The following CAMK1D variants were observed in gnomAD, a reference collection of about 807,000 sequenced individuals.
CAMK1D encodes calcium/calmodulin-dependent protein kinase type 1D.
CAMK1D carries 9 observed loss-of-function variants against 47.7 expected under a neutral mutation model. The ratio of observed to expected loss-of-function variants is 0.19; its 90% CI spans 0.11 to 0.33. The LOEUF (loss-of-function observed/expected upper bound fraction) is 0.33. Ranked by LOEUF, CAMK1D falls within the 10% of genes least tolerant of loss-of-function variation. CAMK1D has a pLI of 1.00. For missense variants in CAMK1D, 291 were observed against 488.7 expected, an observed-to-expected ratio of 0.60 and a Z score of 3.81; for synonymous variants, 184 against 184.9, an observed-to-expected ratio of 0.99 and a Z score of 0.04.
intron 1 of CAMK1D, among the ~76,000 whole-genome samples, chr10:12,481,130 T>C (rs2768428): frequency 0.81 from 122,950 of 152,190 alleles, 49,909 homozygotes; most frequent in East Asian, 0.97. Context: ...ATAATTAAAT[T>C]GTTACCAGCC....
At chr10:12,724,134 G>T (rs779032848) in intron 3 of CAMK1D, among the ~76,000 whole-genome samples, 1 of 152,168 alleles carries the variant, frequency 6.6e-6, no homozygotes, top group Admixed American at 6.6e-5. Flanking sequence ...GATTACAGAC[G>T]CCGGCCACCA....
intron 3 of CAMK1D, among the ~76,000 whole-genome samples, chr10:12,751,071 GATAAGATAAGAT>G (rs1564535348): frequency 7.2e-4 from 18 of 25,150 alleles, no homozygotes; most frequent in East Asian, 3.7e-3. Context: ...GATAAGATAA[GATAAGATAAGAT>G]AAGATAAGAT....
intron 3 of CAMK1D, among the ~76,000 whole-genome samples, chr10:12,671,977 G>A (rs185705809): frequency 6.8e-6 from 1 of 146,044 alleles, no homozygotes; most frequent in East Asian, 2.0e-4. Flanking sequence ...GTGCAGTGGC[G>A]TGATCTTGGC....
At chr10:12,670,009 G>A (rs547559790) in intron 3 of CAMK1D, among the ~76,000 whole-genome samples, 1 of 152,078 alleles carries the variant, frequency 6.6e-6, no homozygotes, top group South Asian at 2.1e-4. Flanking sequence ...AGGTCTTTGT[G>A]TGCATGCATG....
In CAMK1D at chr10:12,494,783, G is replaced by A. The variant is rs374181930; in HGVS notation, c.93-58442G>A. Among the ~76,000 whole-genome samples the A allele has an allele frequency of 3.6e-3, 542 of 152,168 alleles. 4 individuals carry two copies. Among genetic ancestry groups the A allele is most frequent in the Non-Finnish European group, 3.9e-3 (265 of 68,008 alleles). ...GGGGTTTTTCCATGTTGGCCAGGCC[G>A]GTCTCAAACTCCTGACCTCAGGTGA... On this transcript the variant is annotated intron_variant, in intron 1 of 10. Transcript: ENST00000619168.
At chr10:12,439,862 A>G (rs575813859) in intron 1 of CAMK1D, among the ~76,000 whole-genome samples, 3 of 152,346 alleles carry the variant, frequency 2.0e-5, no homozygotes, top group South Asian at 2.1e-4. Flanking sequence ...AGGCCTCACA[A>G]TCATGGTGGA....
intron 3 of CAMK1D, among the ~76,000 whole-genome samples, chr10:12,673,066 G>A (rs1489235504): frequency 6.6e-6 from 1 of 151,704 alleles, no homozygotes; most frequent in Non-Finnish European, 1.5e-5. Flanking sequence ...CTATAGTTGA[G>A]TACAGGTTTG....
chr10:12,780,267 CA>C (rs1156438742), intron 5 of CAMK1D, among the ~76,000 whole-genome samples: 2 of 152,122 alleles, frequency 1.3e-5, no homozygotes, highest in Non-Finnish European at 2.9e-5. Flanking sequence ...AGCCACCCAG[CA>C]GGGGACTTGA....
chr10:12,822,351 G>A (rs1833045600), intron 8 of CAMK1D, among the ~76,000 whole-genome samples: 1 of 152,212 alleles, frequency 6.6e-6, no homozygotes, highest in Non-Finnish European at 1.5e-5. Context: ...CTGCCCAGCT[G>A]GACTCCCCAC....
intron 1 of CAMK1D, among the ~76,000 whole-genome samples, chr10:12,365,379 A>C (rs1462326808): frequency 2.0e-5 from 3 of 152,180 alleles, no homozygotes; most frequent in African/African-American, 7.2e-5. Flanking sequence ...TATTATAGTA[A>C]AGACCTCACA....
intron 5 of CAMK1D, among the ~76,000 whole-genome samples, chr10:12,776,709 G>A (rs753407808): frequency 9.9e-5 from 15 of 152,138 alleles, no homozygotes; most frequent in Non-Finnish European, 1.5e-4. Flanking sequence ...CTAACCCACC[G>A]ATTTTCTCTG....
chr10:12,745,683 A>C, intron 3 of CAMK1D, among the ~76,000 whole-genome samples: 1 of 150,142 alleles, frequency 6.7e-6, no homozygotes, highest in African/African-American at 2.5e-5. Flanking sequence ...GCTCACCACA[A>C]CCTCCGCCTC....
At chr10:12,666,868 A>G (rs1840448390) in intron 3 of CAMK1D, 58 bp downstream of exon 3, 2 of 1,364,518 alleles carry the variant, frequency 1.5e-6, no homozygotes, top group Non-Finnish European at 2.1e-6. Context: ...CAATGTCTAA[A>G]GGGATCAGGT....
At chr10:12,477,874 T>C (rs1833946701) in intron 1 of CAMK1D, among the ~76,000 whole-genome samples, 1 of 152,214 alleles carries the variant, frequency 6.6e-6, no homozygotes, top group Non-Finnish European at 1.5e-5. Context: ...TTGGATCCCA[T>C]GGAATCCCGT....
intron 4 of CAMK1D, among the ~76,000 whole-genome samples, chr10:12,766,308 T>G (rs1836758560): frequency 1.7e-5 from 2 of 118,236 alleles, no homozygotes; most frequent in Admixed American, 2.0e-4. Context: ...CCCACCCTAA[T>G]CTTTTATGAT....
At chr10:12,362,047 C>T (rs61389825) in intron 1 of CAMK1D, among the ~76,000 whole-genome samples, 2 of 151,944 alleles carry the variant, frequency 1.3e-5, no homozygotes, top group Admixed American at 1.3e-4. Context: ...CTCTCTGCTC[C>T]TTAAAACAAA....
At chr10:12,503,436 G>A (rs553771931) in intron 1 of CAMK1D, among the ~76,000 whole-genome samples, 1 of 152,304 alleles carries the variant, frequency 6.6e-6, no homozygotes, top group South Asian at 2.1e-4. Flanking sequence ...GGCAGCCTGG[G>A]CTACTTTTAA....
chr10:12,618,034 A>G (rs916415791), intron 2 of CAMK1D, among the ~76,000 whole-genome samples: 4 of 150,688 alleles, frequency 2.7e-5, no homozygotes, highest in Non-Finnish European at 2.9e-5. Context: ...TATTTACGTA[A>G]TCATTTACAT....
At chr10:12,410,947 G>T (rs1839635191) in intron 1 of CAMK1D, among the ~76,000 whole-genome samples, 1 of 152,202 alleles carries the variant, frequency 6.6e-6, no homozygotes, top group African/African-American at 2.4e-5. Context: ...ATGAGGACTT[G>T]TTGGGGTGGT....
Sources: gnomAD v4.1 joint callset for allele counts (sites outside exome capture counted in the v4.1 genomes callset) on GRCh38, gnomAD v4.1.1 for gene constraint, MANE v1.5 for transcripts, NCBI Gene and HGNC (gene_info 2026-07-23, HGNC 2026-07-21) for gene names.